WWOX: variants seen among roughly 807,000 people sequenced by gnomAD.
The protein encoded by WWOX is WW domain containing oxidoreductase.
In WWOX, 69 loss-of-function variants were observed where a neutral mutation model predicts 46.2. The observed-to-expected ratio is 1.49, with a 90% CI of 1.23 to 1.82. The LOEUF is 1.82. Ranked by LOEUF, WWOX falls within the 40% of genes most tolerant of loss-of-function variation. The probability of loss-of-function intolerance (pLI) is 0.00; values close to 1 mark genes in which losing one functional copy is unlikely to be tolerated. For missense variants in WWOX, 919 were observed against 542.6 expected (o/e 1.69, Z -6.89); for synonymous variants, 359 against 202.6 (o/e 1.77, Z -6.56).
At chr16:78,760,678 C>G (rs1597565266) in intron 8 of WWOX, among the ~76,000 whole-genome samples, 1 of 152,168 alleles carries the variant, frequency 6.6e-6, no homozygotes, top group African/African-American at 2.4e-5. Flanking sequence ...CGGCTTGTCT[C>G]AAGCTGCTGA....
chr16:78,686,628 G>A (rs972711996), intron 8 of WWOX, among the ~76,000 whole-genome samples: 3 of 152,154 alleles, frequency 2.0e-5, no homozygotes, highest in African/African-American at 4.8e-5. Context: ...AGGAACTCCT[G>A]TTTTAATTTG....
At chr16:78,711,592 A>C (rs1376259718) in intron 8 of WWOX, among the ~76,000 whole-genome samples, 1 of 152,216 alleles carries the variant, frequency 6.6e-6, no homozygotes, top group Non-Finnish European at 1.5e-5. Context: ...ATAAACCTTA[A>C]CGCTTAAAAA....
chr16:79,162,755 A>G (rs2150752908), intron 8 of WWOX, among the ~76,000 whole-genome samples: 1 of 152,268 alleles, frequency 6.6e-6, no homozygotes, highest in South Asian at 2.1e-4. Context: ...GCATCCTGCA[A>G]ATTTGCTGCC....
At position 78,474,776 on chromosome 16, in the gene WWOX, C is replaced by G. The variant is rs116085699; in HGVS notation, c.1056+42024C>G. Among the ~76,000 whole-genome samples the G allele has an allele frequency of 1.9e-3, 294 of 152,260 alleles. 2 individuals are homozygous for G. The highest frequency in any genetic ancestry group is 6.8e-3 in the African/African-American group (282 of 41,536). On this transcript the variant is annotated intron_variant, in intron 8 of 8. Coordinates refer to ENST00000566780, the MANE Select transcript of WWOX (RefSeq NM_016373.4). The stretch of plus-strand genomic sequence containing the variant: ...AGCCTCTGCGAACCGCTAGTCTGCT[C>G]TTCATCTCCATGCGTTTGTATATTC...
chr16:78,283,203 C>T (rs780303866), intron 5 of WWOX, among the ~76,000 whole-genome samples: 4 of 152,134 alleles, frequency 2.6e-5, no homozygotes, highest in Non-Finnish European at 5.9e-5. Flanking sequence ...AACGTGCCTA[C>T]CTTCACCAGA....
chr16:78,840,780 CA>C (rs1358976499), intron 8 of WWOX, among the ~76,000 whole-genome samples: 1 of 150,810 alleles, frequency 6.6e-6, no homozygotes, highest in South Asian at 2.1e-4. Context: ...GTGGTTTTTT[CA>C]AAAAAATTGT....
At chr16:78,159,827 C>A (rs987218884) in intron 4 of WWOX, among the ~76,000 whole-genome samples, 8 of 151,708 alleles carry the variant, frequency 5.3e-5, no homozygotes, top group African/African-American at 1.7e-4. Context: ...CGTGCAGAAG[C>A]TTTTTAGTTT....
chr16:78,282,030 G>A (rs562406498), intron 5 of WWOX, among the ~76,000 whole-genome samples: 4 of 152,218 alleles, frequency 2.6e-5, no homozygotes, highest in African/African-American at 9.6e-5. Context: ...ACTACCCTTG[G>A]CCCAAAAGCC....
chr16:78,358,961 A>G (rs1051822976), intron 5 of WWOX, among the ~76,000 whole-genome samples: 1 of 149,684 alleles, frequency 6.7e-6, no homozygotes, highest in Admixed American at 6.7e-5. Context: ...TTGACATTAT[A>G]GCTTCATAAC....
intron 8 of WWOX, among the ~76,000 whole-genome samples, chr16:78,969,128 C>G (rs749945764): frequency 6.6e-5 from 10 of 152,112 alleles, no homozygotes; most frequent in African/African-American, 7.2e-5. Flanking sequence ...AGTCAGGGGA[C>G]TCCCTGGCTG....
intron 6 of WWOX, among the ~76,000 whole-genome samples, chr16:78,411,773 C>A (rs553331618): frequency 3.3e-5 from 5 of 152,262 alleles, no homozygotes; most frequent in South Asian, 2.1e-4. Flanking sequence ...CTAAAAGGAA[C>A]AGAGCTAGAA....
intron 5 of WWOX, among the ~76,000 whole-genome samples, chr16:78,365,270 C>T (rs11866898): frequency 0.023 from 3,574 of 152,220 alleles, 142 homozygotes; most frequent in African/African-American, 0.082. Flanking sequence ...CCAACGCATC[C>T]ATGGAAGTGA....
At chr16:78,579,201 A>G (rs778287031) in intron 8 of WWOX, among the ~76,000 whole-genome samples, 21 of 152,122 alleles carry the variant, frequency 1.4e-4, no homozygotes, top group Non-Finnish European at 1.0e-4. Context: ...GTGTTACTTT[A>G]CTAACTACCA....
intron 8 of WWOX, among the ~76,000 whole-genome samples, chr16:78,822,948 TAGAAAC>T (rs892335161): frequency 2.6e-5 from 4 of 152,086 alleles, no homozygotes; most frequent in South Asian, 2.1e-4. Context: ...AAAAAGGAAT[TAGAAAC>T]AGAGAAAAGA....
chr16:78,510,614 G>C (rs1021461401), intron 8 of WWOX, among the ~76,000 whole-genome samples: 5 of 152,168 alleles, frequency 3.3e-5, no homozygotes, highest in African/African-American at 1.2e-4. Context: ...TACAAGAGTT[G>C]GGCACAAATC....
At chr16:78,514,679 CAAT>C (rs1825545772) in intron 8 of WWOX, among the ~76,000 whole-genome samples, 1 of 152,110 alleles carries the variant, frequency 6.6e-6, no homozygotes, top group Admixed American at 6.5e-5. Flanking sequence ...AAAAGGCTGG[CAAT>C]TTATTATTAA....
At chr16:78,834,073 C>T (rs1360142051) in intron 8 of WWOX, among the ~76,000 whole-genome samples, 1 of 152,222 alleles carries the variant, frequency 6.6e-6, no homozygotes, top group Non-Finnish European at 1.5e-5. Flanking sequence ...CTCACACATG[C>T]ATCCCAAGTC....
intron 8 of WWOX, among the ~76,000 whole-genome samples, chr16:79,041,697 A>G (rs887203960): frequency 2.6e-5 from 4 of 152,146 alleles, no homozygotes; most frequent in Non-Finnish European, 1.5e-5. Context: ...TGGCAAGGGC[A>G]TGAGGCAGTT....
chr16:78,446,498 G>A (rs971377360), intron 8 of WWOX, among the ~76,000 whole-genome samples: 2 of 152,064 alleles, frequency 1.3e-5, no homozygotes, highest in African/African-American at 4.8e-5. Flanking sequence ...CAGGAACTCC[G>A]TAAATGCCAG....
Sources: allele counts gnomAD v4.1 joint callset (sites outside exome capture counted in the v4.1 genomes callset), GRCh38; gene constraint gnomAD v4.1.1; transcripts MANE v1.5; gene names NCBI Gene and HGNC (gene_info 2026-07-23, HGNC 2026-07-21).